Variants in MGAT4A observed in about 807,000 individuals in gnomAD.
MGAT4A encodes the protein N-acetylglucosaminyltransferase IVa.
A neutral mutation model predicts 74.1 loss-of-function variants in MGAT4A; 33 were observed. That is an observed-to-expected ratio of 0.45 (90% CI 0.34 to 0.60). MGAT4A has a LOEUF of 0.60. Among genes scored for constraint, MGAT4A ranks in the 20% least tolerant of loss-of-function variants. The pLI is 0.02. For synonymous variants in MGAT4A, 198 were observed against 210.4 expected (o/e 0.94, Z 0.51); for missense variants, 479 against 628.3 (o/e 0.76, Z 2.54).
chr2:98,680,896 TATTCCTAAATAAG>T (rs1463359630), intron 2 of MGAT4A, among the ~76,000 whole-genome samples: 1 of 152,250 alleles, frequency 6.6e-6, no homozygotes, highest in African/African-American at 2.4e-5. Flanking sequence ...AATTATCTCT[TATTCCTAAATAAG>T]AAGACTCAGT....
At chr2:98,686,878 C>G (rs1362637861) in intron 2 of MGAT4A, among the ~76,000 whole-genome samples, 1 of 152,058 alleles carries the variant, frequency 6.6e-6, no homozygotes, top group South Asian at 2.1e-4. Context: ...GTAAGTTCAT[C>G]GTGAAGTCCC....
chr2:98,624,100 C>A lies in MGAT4A; in HGVS notation c.*1466G>T. 2.3e-6 allele frequency: 2 copies of A among 861,022 alleles called. No individual in the cohort carries two copies. The highest frequency in any genetic ancestry group is 2.8e-6 in the Non-Finnish European group (2 of 716,554). 53.3% of individuals were successfully genotyped at this position (861,022 alleles called of 1,614,324 possible). A position where few individuals can be genotyped will look rare whatever the true frequency, so the allele number is the denominator to read the frequency against. On this transcript the variant is annotated 3_prime_UTR_variant, in exon 16 of 16. Coordinates refer to ENST00000393487, the MANE Select transcript of MGAT4A (RefSeq NM_012214.3). ...CGATCTCAGCTCACTGCCAGCTCTG[C>A]CTCCTGGGTTCACGCCATTCTCCTG...
At chr2:98,669,982 T>G (rs185661710) in intron 4 of MGAT4A, among the ~76,000 whole-genome samples, 26 of 152,292 alleles carry the variant, frequency 1.7e-4, no homozygotes, top group Admixed American at 1.4e-3. Context: ...GGACACGTAC[T>G]ATGAGCAAAA....
rs1199709148 is a variant in MGAT4A, at chr2:98,622,399, T to C, written c.*3167A>G. On this transcript the variant is annotated 3_prime_UTR_variant, in exon 16 of 16. Transcript: ENST00000393487. The stretch of plus-strand genomic sequence containing the variant: ...GCAGAACCGGGTAAAAAAATGTTTT[T>C]ATTTAAACAGCCCCCATGTGTCTAC... The C allele has an allele frequency of 8.1e-6, 8 of 985,348 alleles. No individual in the cohort carries two copies. In the East Asian group the frequency reaches 9.1e-4, roughly 112 times the overall value. The allele number at this position is 985,348 out of a possible 1,614,324, so 61.0% of individuals were successfully genotyped here.
intron 2 of MGAT4A, among the ~76,000 whole-genome samples, chr2:98,720,614 A>G (rs1702655466): frequency 8.1e-6 from 1 of 123,730 alleles, no homozygotes; most frequent in South Asian, 2.6e-4. Flanking sequence ...GTGCGTGCAC[A>G]TGTGTTTGAG....
At chr2:98,645,616 A>G in intron 8 of MGAT4A, 74 bp from the exon 9 acceptor site, 1 of 1,035,996 alleles carries the variant, frequency 9.7e-7, no homozygotes, top group Non-Finnish European at 1.3e-6. Flanking sequence ...TATTATGGAA[A>G]AATACAAGCA....
chr2:98,622,373 G>A lies in MGAT4A; in HGVS notation c.*3193C>T. On this transcript the variant is annotated 3_prime_UTR_variant, in exon 16 of 16. Coordinates refer to ENST00000393487, the MANE Select transcript of MGAT4A (RefSeq NM_012214.3). ...TTGGAATGTCACTAGTGTGTGTGATGGCAGAACCGGGTAAAAAAATGTTTT... is the reference window on the plus strand; with the variant it reads ...TTGGAATGTCACTAGTGTGTGTGATAGCAGAACCGGGTAAAAAAATGTTTT... The A allele has an allele frequency of 1.9e-5, 19 of 985,450 alleles. No homozygotes were observed. The highest frequency in any genetic ancestry group is 2.2e-5 in the Non-Finnish European group (18 of 829,940). The allele number at this position is 985,450 out of a possible 1,614,324, so 61.0% of individuals were successfully genotyped here. A position where few individuals can be genotyped will look rare whatever the true frequency, so the allele number is the denominator to read the frequency against.
intron 8 of MGAT4A, among the ~76,000 whole-genome samples, chr2:98,653,960 C>T (rs1347003350): frequency 1.3e-5 from 2 of 151,962 alleles, no homozygotes; most frequent in Admixed American, 6.6e-5. Context: ...TTATATACAC[C>T]ATAACCAAGT....
intron 4 of MGAT4A, among the ~76,000 whole-genome samples, chr2:98,668,227 G>A (rs1042497598): frequency 3.9e-5 from 6 of 152,218 alleles, no homozygotes; most frequent in Non-Finnish European, 7.3e-5. Context: ...TCCCATCACA[G>A]GCCCAGAGAT....
At chr2:98,675,007 ACT>A in intron 4 of MGAT4A, 26 bp downstream of exon 4, 1 of 1,603,386 alleles carries the variant, frequency 6.2e-7, no homozygotes. Flanking sequence ...CAGTAGTACA[ACT>A]GCAGTAAGAA....
At chr2:98,714,716 C>G (rs1359794111) in intron 2 of MGAT4A, among the ~76,000 whole-genome samples, 1 of 151,820 alleles carries the variant, frequency 6.6e-6, no homozygotes, top group Non-Finnish European at 1.5e-5. Flanking sequence ...GCTATGGCAC[C>G]AGAAAGGAAA....
At chr2:98,658,783 T>C (rs1475101469) in intron 5 of MGAT4A, among the ~76,000 whole-genome samples, 1 of 152,240 alleles carries the variant, frequency 6.6e-6, no homozygotes, top group Admixed American at 6.5e-5. Flanking sequence ...CATATTAATA[T>C]TACACTGACA....
In MGAT4A at chr2:98,624,289, G is replaced by A; in HGVS notation, c.*1277C>T. On this transcript the variant is annotated 3_prime_UTR_variant, in exon 16 of 16. Coordinates refer to ENST00000393487, the MANE Select transcript of MGAT4A (RefSeq NM_012214.3). ...GGCCTCCCAAAGTGCTGGGATTACA[G>A]GCGTGAGCCACAGCGCCTGGTGATA... 2 of 940,140 alleles carry A rather than the reference G, an allele frequency of 2.1e-6. No homozygotes were observed. Among genetic ancestry groups the A allele is most frequent in the South Asian group, 4.9e-5 (1 of 20,408 alleles). The allele number at this position is 940,140 out of a possible 1,614,324, so 58.2% of individuals were successfully genotyped here. A position where few individuals can be genotyped will look rare whatever the true frequency, so the allele number is the denominator to read the frequency against.
At chr2:98,647,856 C>T (rs1559158846) in intron 8 of MGAT4A, among the ~76,000 whole-genome samples, 1 of 152,194 alleles carries the variant, frequency 6.6e-6, no homozygotes, top group African/African-American at 2.4e-5. Flanking sequence ...ACTCTACTGC[C>T]TTTTGGAAAG....
intron 4 of MGAT4A, among the ~76,000 whole-genome samples, chr2:98,673,604 ATTATAT>A (rs1179813616): frequency 6.6e-6 from 1 of 152,180 alleles, no homozygotes; most frequent in Non-Finnish European, 1.5e-5. Context: ...CCAAGATTTT[ATTATAT>A]TTATAATGGA....
intron 2 of MGAT4A, among the ~76,000 whole-genome samples, chr2:98,715,793 T>G (rs1435211416): frequency 2.0e-5 from 3 of 152,154 alleles, no homozygotes; most frequent in Admixed American, 6.5e-5. Flanking sequence ...AAATAAAAGT[T>G]TAAAAAAATT....
At chr2:98,700,825 A>C (rs1470841998) in intron 2 of MGAT4A, among the ~76,000 whole-genome samples, 4 of 149,750 alleles carry the variant, frequency 2.7e-5, no homozygotes, top group Non-Finnish European at 5.9e-5. Context: ...CGGGAGGCGG[A>C]GGTTGCAGTG....
chr2:98,635,077 G>C, intron 14 of MGAT4A, 145 bp downstream of exon 14: 1 of 591,654 alleles, frequency 1.7e-6, no homozygotes, highest in Non-Finnish European at 3.0e-6. Flanking sequence ...AATAATAAAA[G>C]CAAGTACTAC....
chr2:98,654,675 G>A (rs560763814), intron 8 of MGAT4A, among the ~76,000 whole-genome samples: 39 of 152,214 alleles, frequency 2.6e-4, no homozygotes, highest in Non-Finnish European at 5.7e-4. Context: ...AAGACATCTT[G>A]TGCTCATGTA....
Sources: allele counts gnomAD v4.1 joint callset (sites outside exome capture counted in the v4.1 genomes callset), GRCh38; gene constraint gnomAD v4.1.1; transcripts MANE v1.5; gene names NCBI Gene and HGNC (gene_info 2026-07-23, HGNC 2026-07-21).